CLYBL: variants seen among roughly 807,000 people sequenced by gnomAD.
CLYBL encodes the protein citramalyl-CoA lyase, mitochondrial.
Under a neutral mutation model 38.9 loss-of-function variants are expected in CLYBL, and 31 were observed. That is an observed-to-expected ratio of 0.80 (90% CI 0.60 to 1.08). The LOEUF (loss-of-function observed/expected upper bound fraction) is 1.08, where lower values mean the gene tolerates loss of function less well. Among genes scored for constraint, CLYBL ranks in the 50% least tolerant of loss-of-function variants. CLYBL has a pLI of 0.00. For synonymous variants in CLYBL, 171 were observed against 158.6 expected, an observed-to-expected ratio of 1.08 and a Z score of -0.59; for missense variants, 434 against 411.6, an observed-to-expected ratio of 1.05 and a Z score of -0.47.
At chr13:99,748,025 C>A (rs2048884841) in intron 1 of CLYBL, among the ~76,000 whole-genome samples, 1 of 152,170 alleles carries the variant, frequency 6.6e-6, no homozygotes, top group South Asian at 2.1e-4. Context: ...ATTGTGCGAC[C>A]ATCCCCACCA....
intron 1 of CLYBL, among the ~76,000 whole-genome samples, chr13:99,655,807 A>G (rs948844419): frequency 6.6e-6 from 1 of 151,938 alleles, no homozygotes; most frequent in African/African-American, 2.4e-5. Flanking sequence ...ATTGGACTTG[A>G]CTCTTTACAG....
downstream of CLYBL, chr13:99,893,016 C>G (rs1468949555): frequency 6.6e-6 from 1 of 152,326 alleles, no homozygotes; most frequent in Non-Finnish European, 1.5e-5. Flanking sequence ...TGTGAAGACA[C>G]CAACTCATTT....
At chr13:99,804,063 C>A (rs189435237) in intron 2 of CLYBL, among the ~76,000 whole-genome samples, 196 of 152,316 alleles carry the variant, frequency 1.3e-3, no homozygotes, top group Non-Finnish European at 1.2e-3. Context: ...GGAGTGGAAT[C>A]GTTCTGTGCT....
At chr13:99,665,336 TA>T (rs59421798) in intron 1 of CLYBL, among the ~76,000 whole-genome samples, 17,267 of 150,284 alleles carry the variant, frequency 0.11, 1,035 homozygotes, top group South Asian at 0.15. Context: ...CTTACTTGCT[TA>T]AAAAAAAAAT....
intron 2 of CLYBL, among the ~76,000 whole-genome samples, chr13:99,842,685 G>A (rs1196645053): frequency 6.6e-6 from 1 of 150,620 alleles, no homozygotes; most frequent in African/African-American, 2.4e-5. Flanking sequence ...CAGGAAATGG[G>A]AGTTTAAATC....
chr13:99,781,391 C>T (rs1158893689), intron 2 of CLYBL, among the ~76,000 whole-genome samples: 1 of 151,472 alleles, frequency 6.6e-6, no homozygotes, highest in Non-Finnish European at 1.5e-5. Context: ...AGGATGGTCT[C>T]AATCTCCTGA....
chr13:99,674,237 C>T (rs1340915998), intron 1 of CLYBL, among the ~76,000 whole-genome samples: 2 of 148,524 alleles, frequency 1.3e-5, no homozygotes, highest in Admixed American at 6.7e-5. Context: ...CCGCAACCTC[C>T]GCCTCGCAGG....
intron 2 of CLYBL, among the ~76,000 whole-genome samples, chr13:99,806,643 G>T (rs1179318099): frequency 6.6e-6 from 1 of 152,188 alleles, no homozygotes; most frequent in African/African-American, 2.4e-5. Context: ...TATTTCAGAG[G>T]TCAAATGAGG....
intron 2 of CLYBL, among the ~76,000 whole-genome samples, chr13:99,785,423 A>C (rs377564143): frequency 1.3e-5 from 2 of 151,632 alleles, no homozygotes; most frequent in African/African-American, 4.8e-5. Flanking sequence ...TATGTTGCCC[A>C]GGCTTGGTTA....
chr13:99,818,445 A>AC lies in CLYBL; in HGVS notation c.250-40416_250-40415insC, dbSNP rs1175396811. Among the ~76,000 whole-genome samples, 22 of 128,806 alleles carry AC rather than the reference A, an allele frequency of 1.7e-4. No individual in the cohort carries two copies. In the East Asian group the frequency reaches 5.0e-3, roughly 29 times the overall value. The allele number at this position is 128,806 out of a possible 152,430, so 84.5% of individuals were successfully genotyped here. A position where few individuals can be genotyped will look rare whatever the true frequency, so the allele number is the denominator to read the frequency against. ...ACCCCTGAAGATCACATGGAGCAGA[A>AC]AACACACACACACACACACACACAC... On this transcript the variant is annotated intron_variant, in intron 2 of 8. Coordinates refer to ENST00000339105, the MANE Select transcript of CLYBL (RefSeq NM_206808.5).
intron 2 of CLYBL, among the ~76,000 whole-genome samples, chr13:99,830,421 C>T (rs571601128): frequency 2.0e-5 from 3 of 152,124 alleles, no homozygotes; most frequent in African/African-American, 4.8e-5. Context: ...GGCACCACTG[C>T]GGTATAGAAA....
At chr13:99,816,937 G>A (rs1469286240) in intron 2 of CLYBL, among the ~76,000 whole-genome samples, 1 of 152,206 alleles carries the variant, frequency 6.6e-6, no homozygotes, top group Non-Finnish European at 1.5e-5. Context: ...GTGCGCTGCG[G>A]ATAGGGTTTT....
At chr13:99,821,914 C>T (rs1312293377) in intron 2 of CLYBL, among the ~76,000 whole-genome samples, 3 of 152,198 alleles carry the variant, frequency 2.0e-5, no homozygotes, top group South Asian at 2.1e-4. Flanking sequence ...TAGTCCCCTC[C>T]CACGCTGATT....
chr13:99,692,826 A>G (rs2047927556), intron 1 of CLYBL, among the ~76,000 whole-genome samples: 1 of 152,226 alleles, frequency 6.6e-6, no homozygotes, highest in African/African-American at 2.4e-5. Flanking sequence ...GGGACTATAT[A>G]AATATGCCCT....
intron 7 of CLYBL, among the ~76,000 whole-genome samples, chr13:99,879,016 C>T (rs1296032497): frequency 2.0e-5 from 3 of 152,126 alleles, no homozygotes; most frequent in Admixed American, 6.6e-5. Context: ...GTAGATGATT[C>T]GGGATGGTCA....
chr13:99,700,981 C>T (rs911081974), intron 1 of CLYBL, among the ~76,000 whole-genome samples: 1 of 152,142 alleles, frequency 6.6e-6, no homozygotes, highest in Non-Finnish European at 1.5e-5. Flanking sequence ...AATTTTTCCT[C>T]TCCACTCAGA....
intron 1 of CLYBL, among the ~76,000 whole-genome samples, chr13:99,647,516 T>G (rs1179471337): frequency 1.1e-4 from 16 of 151,634 alleles, no homozygotes; most frequent in Admixed American, 1.1e-3. Context: ...ACAAAATGTG[T>G]GAAGGGAATG....
At chr13:99,860,465 C>T (rs117846870) in intron 3 of CLYBL, among the ~76,000 whole-genome samples, 170 of 152,332 alleles carry the variant, frequency 1.1e-3, no homozygotes, top group Non-Finnish European at 2.0e-3. Context: ...GGGTTACCCT[C>T]AGAAGCTGGG....
At chr13:99,657,695 A>T (rs1213013744) in intron 1 of CLYBL, among the ~76,000 whole-genome samples, 1 of 151,904 alleles carries the variant, frequency 6.6e-6, no homozygotes, top group Non-Finnish European at 1.5e-5. Flanking sequence ...TTGATTCTGA[A>T]TTTTTTTTCT....
Sources: allele counts gnomAD v4.1 joint callset (sites outside exome capture counted in the v4.1 genomes callset), GRCh38; gene constraint gnomAD v4.1.1; transcripts MANE v1.5; gene names NCBI Gene and HGNC (gene_info 2026-07-23, HGNC 2026-07-21).